UGT2B15: variants seen among roughly 807,000 people sequenced by gnomAD.
UGT2B15 encodes the protein UDP-glucuronosyltransferase 2B15.
In UGT2B15, 36 loss-of-function variants were observed where a neutral mutation model predicts 45.9. The ratio of observed to expected loss-of-function variants is 0.78; its 90% CI spans 0.60 to 1.04. The LOEUF (loss-of-function observed/expected upper bound fraction) is 1.04, where lower values mean the gene tolerates loss of function less well. UGT2B15 is among the 50% of genes least tolerant of loss of function. UGT2B15 has a pLI of 0.00. For synonymous variants in UGT2B15, 219 were observed against 216.4 expected (o/e 1.01, Z -0.11); for missense variants, 617 against 622.4 (o/e 0.99, Z 0.09).
At chr4:68,653,728 T>C (rs1732720003) in intron 5 of UGT2B15, among the ~76,000 whole-genome samples, 1 of 152,042 alleles carries the variant, frequency 6.6e-6, no homozygotes, top group African/African-American at 2.4e-5. Context: ...TGAAATATCA[T>C]ATTTCTCTAG....
In UGT2B15 at chr4:68,653,842, G is replaced by A. The variant is rs1481418087; in HGVS notation, c.1313+195C>T. On this transcript the variant is annotated intron_variant, in intron 5 of 5. Coordinates refer to ENST00000338206, the MANE Select transcript of UGT2B15 (RefSeq NM_001076.4). ...ATTTTATAATTCATTGCAGTCATTG[G>A]TGACCCATTAAATCTGTGGGGTTGA... Among the ~76,000 whole-genome samples the A allele has an allele frequency of 3.3e-5, 5 of 151,700 alleles. No homozygotes were observed. The East Asian group carries it at 7.7e-4, about 23-fold the overall frequency.
chr4:68,663,700 C>A (rs1733032281), intron 2 of UGT2B15, among the ~76,000 whole-genome samples: 1 of 151,758 alleles, frequency 6.6e-6, no homozygotes, highest in Non-Finnish European at 1.5e-5. Context: ...GCTCTCTAAC[C>A]CTTTATATTT....
chr4:68,657,405 A>C (rs1560606746), intron 3 of UGT2B15, among the ~76,000 whole-genome samples: 1 of 152,158 alleles, frequency 6.6e-6, no homozygotes, highest in Non-Finnish European at 1.5e-5. Context: ...GAGACATGTA[A>C]GAGGGTGGAA....
rs566759041 is a variant in UGT2B15, at chr4:68,667,971, T to C, written c.873+69A>G. Reference sequence around the variant, plus strand: ...TCCCCTCACTCTGAGTTAAACACTCTGAAAGAAACATATCCAGCCATTCCT... The same window carrying C: ...TCCCCTCACTCTGAGTTAAACACTCCGAAAGAAACATATCCAGCCATTCCT... On this transcript the variant is annotated intron_variant, in intron 2 of 5. Coordinates refer to ENST00000338206, the MANE Select transcript of UGT2B15 (RefSeq NM_001076.4). The C allele has an allele frequency of 1.3e-5, 21 of 1,573,962 alleles. No individual in the cohort carries two copies. In the African/African-American group the frequency reaches 1.4e-4, roughly 10 times the overall value.
At chr4:68,661,160 T>A (rs930402213) in intron 3 of UGT2B15, among the ~76,000 whole-genome samples, 10 of 152,066 alleles carry the variant, frequency 6.6e-5, no homozygotes, top group African/African-American at 9.6e-5. Context: ...AGATTTTTTT[T>A]AAATGTAAAA....
At chr4:68,648,843 G>T (rs1288363542) in intron 5 of UGT2B15, among the ~76,000 whole-genome samples, 5 of 152,044 alleles carry the variant, frequency 3.3e-5, no homozygotes, top group South Asian at 2.1e-4. Context: ...GTTAGCAGTT[G>T]TTTAATAGCA....
chr4:68,656,000 C>G (rs1333458685), intron 3 of UGT2B15, among the ~76,000 whole-genome samples: 1 of 152,060 alleles, frequency 6.6e-6, no homozygotes, highest in Non-Finnish European at 1.5e-5. Context: ...ATTTATGGCT[C>G]AAACAAAGAA....
intron 5 of UGT2B15, among the ~76,000 whole-genome samples, chr4:68,649,822 A>ACTTTTTTGTTTTTTTG (rs1381199014): frequency 6.6e-6 from 1 of 151,006 alleles, no homozygotes; most frequent in Non-Finnish European, 1.5e-5. Context: ...TGGTAGGTTC[A>ACTTTTTTGTTTTTTTG]CTTTTTTGTT....
At chr4:68,662,810 C>A (rs1733003787) in intron 3 of UGT2B15, among the ~76,000 whole-genome samples, 198 bp downstream of exon 3, 2 of 138,908 alleles carry the variant, frequency 1.4e-5, no homozygotes, top group East Asian at 2.3e-4. Flanking sequence ...ATATTAATGC[C>A]AACGTTATTA....
At chr4:68,649,606 A>G (rs1047339336) in intron 5 of UGT2B15, among the ~76,000 whole-genome samples, 2 of 151,762 alleles carry the variant, frequency 1.3e-5, no homozygotes, top group Non-Finnish European at 2.9e-5. Flanking sequence ...AAAAATGTTT[A>G]TTTTCTGTCT....
At chr4:68,656,977 T>C (rs1170175644) in intron 3 of UGT2B15, among the ~76,000 whole-genome samples, 1 of 151,944 alleles carries the variant, frequency 6.6e-6, no homozygotes, top group African/African-American at 2.4e-5. Context: ...TATTGACTGT[T>C]GCTATTTTTT....
intron 3 of UGT2B15, among the ~76,000 whole-genome samples, chr4:68,656,612 AC>A (rs1290523349): frequency 1.3e-5 from 2 of 152,168 alleles, no homozygotes; most frequent in African/African-American, 4.8e-5. Flanking sequence ...CTTTAAAAAA[AC>A]AAATGTTCTT....
At position 68,662,390 on chromosome 4, in the gene UGT2B15, T is replaced by G. The variant is rs1239107705; in HGVS notation, c.1005+618A>C. On this transcript the variant is annotated intron_variant, in intron 3 of 5. Coordinates refer to ENST00000338206, the MANE Select transcript of UGT2B15 (RefSeq NM_001076.4). Reference sequence around the variant, plus strand: ...CACCCAAGTCAGCAGAGCAGACAAGTTTTTTTTTTTTTTCTCTAAATCTAC... The same window carrying G: ...CACCCAAGTCAGCAGAGCAGACAAGGTTTTTTTTTTTTTCTCTAAATCTAC... Among the ~76,000 whole-genome samples, 22 of 92,350 alleles carry G rather than the reference T, an allele frequency of 2.4e-4. No individual in the cohort carries two copies. The Admixed American group carries it at 3.1e-3, about 13-fold the overall frequency. 60.6% of individuals were successfully genotyped at this position (92,350 alleles called of 152,430 possible). A position where few individuals can be genotyped will look rare whatever the true frequency, so the allele number is the denominator to read the frequency against.
rs183441853 is a variant in UGT2B15 at position 68,653,735 on chromosome 4, C to T, written c.1313+302G>A. 2.9e-4 allele frequency among the ~76,000 whole-genome samples: 44 copies of T among 151,898 alleles called. 1 individual carries two copies. Among genetic ancestry groups the T allele is most frequent in the Admixed American group, 5.3e-4 (8 of 15,222 alleles). On this transcript the variant is annotated intron_variant, in intron 5 of 5. Transcript: ENST00000338206. Reference sequence around the variant, plus strand: ...TATTGAATTGAAATATCATATTTCTCTAGTTATGTTCTTTCTTTTCATTGT... The same window carrying T: ...TATTGAATTGAAATATCATATTTCTTTAGTTATGTTCTTTCTTTTCATTGT...
intron 3 of UGT2B15, among the ~76,000 whole-genome samples, chr4:68,657,001 T>C (rs1732825821): frequency 6.9e-6 from 1 of 145,592 alleles, no homozygotes; most frequent in South Asian, 2.1e-4. Flanking sequence ...TCCTAGGAAG[T>C]TGTTGTTTAA....
intron 5 of UGT2B15, among the ~76,000 whole-genome samples, chr4:68,648,287 C>T (rs1185648524): frequency 6.6e-6 from 1 of 152,100 alleles, no homozygotes; most frequent in South Asian, 2.1e-4. Context: ...TCCCCCTGTA[C>T]ACTTTCTTCT....
chr4:68,655,116 A>T lies in UGT2B15; in HGVS notation c.1072T>A (p.Leu358Ile). 4 of 1,613,310 alleles carry T rather than the reference A, an allele frequency of 2.5e-6. No individual in the cohort carries two copies. The highest frequency in any genetic ancestry group is 3.4e-6 in the Non-Finnish European group (4 of 1,179,578). ...LGSNTRLYKW[L>I]PQNDLLGHPK... ...TTACCAAGAAGGTCATTCTGGGGTAACCACTTGTACAGTCGAGTATTGGAA... is the reference window on the plus strand; with the variant it reads ...TTACCAAGAAGGTCATTCTGGGGTATCCACTTGTACAGTCGAGTATTGGAA... The change falls in exon 4 of 6, where the codon TTA (leucine) becomes ATA (isoleucine). Residue 358 changes from leucine to isoleucine, a missense_variant. This residue lies in a region of UGT2B15 where 265 missense variants were observed against 245.1 expected (regional missense o/e 1.08). Transcript: ENST00000338206.
At chr4:68,649,925 C>T (rs370344627) in intron 5 of UGT2B15, among the ~76,000 whole-genome samples, 33 of 151,570 alleles carry the variant, frequency 2.2e-4, no homozygotes, top group African/African-American at 5.6e-4. Flanking sequence ...CTCCGTCTCC[C>T]GGGTTCAAGT....
chr4:68,654,713 A>G (rs1487852424), intron 4 of UGT2B15, among the ~76,000 whole-genome samples: 1 of 152,006 alleles, frequency 6.6e-6, no homozygotes, highest in East Asian at 1.9e-4. Context: ...AAGTAGAGTC[A>G]CTGGTAATAG....
Sources: gnomAD v4.1 joint callset for allele counts (sites outside exome capture counted in the v4.1 genomes callset) on GRCh38, gnomAD v4.1.1 for gene constraint, gnomAD v4.1.1 regional missense constraint, MANE v1.5 for transcripts, NCBI Gene and HGNC (gene_info 2026-07-23, HGNC 2026-07-21) for gene names.